XKR6: variants seen among roughly 807,000 people sequenced by gnomAD.
The protein encoded by XKR6 is XK related 6.
Under a neutral mutation model 56.7 loss-of-function variants are expected in XKR6, and 22 were observed. That is an observed-to-expected ratio of 0.39 (90% CI 0.28 to 0.55). XKR6 has a LOEUF of 0.55. Ranked by LOEUF, XKR6 falls within the 20% of genes least tolerant of loss-of-function variation. The pLI, the probability that XKR6 is intolerant of heterozygous loss-of-function variation, is 0.66. For missense variants in XKR6, 852 were observed against 889.0 expected, an observed-to-expected ratio of 0.96 and a Z score of 0.53; for synonymous variants, 524 against 387.8, an observed-to-expected ratio of 1.35 and a Z score of -4.13.
intron 1 of XKR6, among the ~76,000 whole-genome samples, chr8:11,016,544 G>A (rs1432908944): frequency 6.6e-6 from 1 of 152,202 alleles, no homozygotes; most frequent in Non-Finnish European, 1.5e-5. Flanking sequence ...ATCCCTGCCT[G>A]GCTGCCACCC....
chr8:11,041,603 G>A (rs780858859), intron 1 of XKR6, among the ~76,000 whole-genome samples: 6 of 151,984 alleles, frequency 3.9e-5, no homozygotes, highest in Non-Finnish European at 7.4e-5. Context: ...TGTTGATGAT[G>A]CAGATGCAAA....
At chr8:11,017,268 T>C (rs1457008662) in intron 1 of XKR6, among the ~76,000 whole-genome samples, 1 of 152,208 alleles carries the variant, frequency 6.6e-6, no homozygotes, top group Admixed American at 6.5e-5. Flanking sequence ...CGTATAGATA[T>C]AGGTATATGT....
chr8:11,199,030 T>A (rs1188812447), intron 1 of XKR6, among the ~76,000 whole-genome samples: 1 of 152,232 alleles, frequency 6.6e-6, no homozygotes, highest in East Asian at 1.9e-4. Flanking sequence ...TATTTCAGAA[T>A]TTTATTTGAC....
chr8:11,177,953 G>C (rs964454434), intron 1 of XKR6, among the ~76,000 whole-genome samples: 4 of 152,176 alleles, frequency 2.6e-5, no homozygotes, highest in African/African-American at 9.7e-5. Context: ...TTCTGACATG[G>C]AAAGCCTGAA....
chr8:11,024,560 G>A (rs1329862936), intron 1 of XKR6, among the ~76,000 whole-genome samples: 1 of 152,204 alleles, frequency 6.6e-6, no homozygotes, highest in African/African-American at 2.4e-5. Flanking sequence ...CCAAGTGTCT[G>A]ACTATCCTCA....
chr8:10,980,988 G>A (rs1406784675), intron 1 of XKR6, among the ~76,000 whole-genome samples: 2 of 152,014 alleles, frequency 1.3e-5, no homozygotes, highest in African/African-American at 2.4e-5. Flanking sequence ...AAAAAAAAAA[G>A]AGAAGAGCCC....
intron 1 of XKR6, among the ~76,000 whole-genome samples, chr8:11,119,615 CTA>C (rs769818618): frequency 1.3e-4 from 20 of 152,296 alleles, no homozygotes; most frequent in Non-Finnish European, 2.9e-4. Flanking sequence ...TTATCCGAGA[CTA>C]GGATTGCAAA....
intron 1 of XKR6, among the ~76,000 whole-genome samples, chr8:11,117,580 G>A: frequency 6.6e-6 from 1 of 152,164 alleles, no homozygotes; most frequent in South Asian, 2.1e-4. Context: ...ATCTGAAAAT[G>A]TGAAACCATA....
intron 1 of XKR6, among the ~76,000 whole-genome samples, chr8:11,144,731 C>G (rs1800892245): frequency 6.6e-6 from 1 of 152,030 alleles, no homozygotes. Context: ...CAAAGCCGTG[C>G]CTGAAACATT....
intron 1 of XKR6, among the ~76,000 whole-genome samples, chr8:11,004,020 G>T (rs1798307435): frequency 6.6e-6 from 1 of 152,196 alleles, no homozygotes. Context: ...GGGTCCTGGG[G>T]CATCACAAGA....
chr8:11,151,918 G>T (rs956907426), intron 1 of XKR6, among the ~76,000 whole-genome samples: 56 of 151,866 alleles, frequency 3.7e-4, no homozygotes, highest in African/African-American at 1.2e-3. Flanking sequence ...TACTTGTTGG[G>T]AAGGAAAAAA....
intron 1 of XKR6, among the ~76,000 whole-genome samples, chr8:10,976,178 G>GA (rs879734498): frequency 3.8e-4 from 53 of 138,102 alleles, no homozygotes; most frequent in Admixed American, 9.9e-4. Flanking sequence ...TCCATCTCAA[G>GA]AAAAAAAAAA....
At chr8:10,981,460 A>G (rs1371570597) in intron 1 of XKR6, among the ~76,000 whole-genome samples, 1 of 152,220 alleles carries the variant, frequency 6.6e-6, no homozygotes, top group Non-Finnish European at 1.5e-5. Flanking sequence ...GAGCTTTGGA[A>G]AGAGATGAAG....
chr8:10,930,666 T>A (rs1261833072), intron 1 of XKR6, among the ~76,000 whole-genome samples: 1 of 152,226 alleles, frequency 6.6e-6, no homozygotes, highest in Non-Finnish European at 1.5e-5. Flanking sequence ...ATCAATGTAA[T>A]CTATGACATT....
intron 1 of XKR6, among the ~76,000 whole-genome samples, chr8:11,007,927 G>C (rs958759009): frequency 2.6e-5 from 4 of 151,450 alleles, no homozygotes; most frequent in African/African-American, 7.3e-5. Flanking sequence ...GGGGCAGAGT[G>C]GGGGGAGGGC....
At chr8:11,088,179 A>C (rs1797954993) in intron 1 of XKR6, among the ~76,000 whole-genome samples, 1 of 152,196 alleles carries the variant, frequency 6.6e-6, no homozygotes, top group Non-Finnish European at 1.5e-5. Flanking sequence ...GTGATATCAG[A>C]AGACCACTGC....
chr8:10,923,983 T>C (rs1396774822), intron 2 of XKR6, among the ~76,000 whole-genome samples: 1 of 152,174 alleles, frequency 6.6e-6, no homozygotes, highest in Non-Finnish European at 1.5e-5. Flanking sequence ...CCATGGACTG[T>C]CTCTCACTTG....
At chr8:11,051,848 A>C (rs969254127) in intron 1 of XKR6, among the ~76,000 whole-genome samples, 6 of 152,288 alleles carry the variant, frequency 3.9e-5, no homozygotes, top group Admixed American at 6.5e-5. Flanking sequence ...AAAAAAACCC[A>C]AACAAACAAA....
chr8:11,164,086 C>G (rs1272478235), intron 1 of XKR6, among the ~76,000 whole-genome samples: 1 of 152,198 alleles, frequency 6.6e-6, no homozygotes, highest in African/African-American at 2.4e-5. Context: ...GGAAGATAAA[C>G]AGGGCCAGGC....
Sources: gnomAD v4.1 joint callset for allele counts (sites outside exome capture counted in the v4.1 genomes callset) on GRCh38, gnomAD v4.1.1 for gene constraint, MANE v1.5 for transcripts, NCBI Gene and HGNC (gene_info 2026-07-23, HGNC 2026-07-21) for gene names.